Variants in SRGAP3 observed in about 807,000 individuals in gnomAD.
SRGAP3 encodes the protein SLIT-ROBO Rho GTPase-activating protein 3.
A neutral mutation model predicts 121.1 loss-of-function variants in SRGAP3; 39 were observed. The ratio of observed to expected loss-of-function variants is 0.32; its 90% CI spans 0.25 to 0.42. The LOEUF is 0.42. Among genes scored for constraint, SRGAP3 ranks in the 10% least tolerant of loss-of-function variants. The pLI, the probability that SRGAP3 is intolerant of heterozygous loss-of-function variation, is 1.00. For missense variants in SRGAP3, 1,213 were observed against 1,470.6 expected, an observed-to-expected ratio of 0.82 and a Z score of 2.86; for synonymous variants, 601 against 570.0, an observed-to-expected ratio of 1.05 and a Z score of -0.77.
chr3:9,228,922 C>G (rs936190486), intron 1 of SRGAP3, among the ~76,000 whole-genome samples: 1 of 151,392 alleles, frequency 6.6e-6, no homozygotes, highest in Non-Finnish European at 1.5e-5. Flanking sequence ...ATTAGCCGGG[C>G]GCGGTGGCGG....
upstream of SRGAP3, among the ~76,000 whole-genome samples, chr3:9,250,057 A>G (rs563493301): frequency 6.6e-6 from 1 of 152,302 alleles, no homozygotes; most frequent in East Asian, 1.9e-4. Context: ...AGACGATGCG[A>G]GGAGTTAAAG....
At chr3:9,072,421 T>C (rs958822304) in intron 4 of SRGAP3, among the ~76,000 whole-genome samples, 15 of 152,212 alleles carry the variant, frequency 9.9e-5, no homozygotes, top group Admixed American at 9.8e-4. Context: ...AATACATGTA[T>C]TCTTAGTGAA....
chr3:9,154,837 G>A (rs1176622479), intron 1 of SRGAP3, among the ~76,000 whole-genome samples: 3 of 152,000 alleles, frequency 2.0e-5, no homozygotes, highest in African/African-American at 7.3e-5. Context: ...AACAATGAAA[G>A]GGAGTAGAAA....
At chr3:9,176,882 T>C (rs908343233) in intron 1 of SRGAP3, among the ~76,000 whole-genome samples, 2 of 152,208 alleles carry the variant, frequency 1.3e-5, no homozygotes, top group South Asian at 4.1e-4. Flanking sequence ...GGGGATCACA[T>C]TTCAACATGA....
chr3:9,241,306 T>A (rs774944612), intron 1 of SRGAP3, among the ~76,000 whole-genome samples: 1 of 152,044 alleles, frequency 6.6e-6, no homozygotes, highest in African/African-American at 2.4e-5. Flanking sequence ...GCTTACAAAG[T>A]CACTGAATGA....
chr3:9,157,530 T>G (rs1950458733), intron 1 of SRGAP3, among the ~76,000 whole-genome samples: 2 of 152,230 alleles, frequency 1.3e-5, no homozygotes, highest in African/African-American at 2.4e-5. Context: ...TCTAAGCACT[T>G]TACACACATT....
intron 1 of SRGAP3, chr3:9,362,751 T>C (rs2030965660): frequency 6.6e-6 from 1 of 152,154 alleles, no homozygotes; most frequent in African/African-American, 2.4e-5. Context: ...TGTCTCCAGC[T>C]TTAAAACAGA....
At chr3:9,019,290 A>C (rs1216249124) in intron 14 of SRGAP3, among the ~76,000 whole-genome samples, 1 of 152,226 alleles carries the variant, frequency 6.6e-6, no homozygotes, top group Non-Finnish European at 1.5e-5. Flanking sequence ...CGAATTCTTC[A>C]CTGGGGCTAT....
At chr3:9,060,150 G>C (rs1216567207) in intron 6 of SRGAP3, 81 bp downstream of exon 6, 4 of 1,605,520 alleles carry the variant, frequency 2.5e-6, no homozygotes, top group African/African-American at 2.7e-5. Context: ...TAAAGACAAA[G>C]ACCAGCCCCT....
chr3:9,025,160 A>T, intron 14 of SRGAP3, 101 bp downstream of exon 14: 3 of 1,223,414 alleles, frequency 2.5e-6, no homozygotes, highest in Non-Finnish European at 3.6e-6. Context: ...CCTGCAAACC[A>T]CTGCAGGCTG....
intron 3 of SRGAP3, among the ~76,000 whole-genome samples, chr3:9,103,685 G>A (rs1252564632): frequency 6.6e-6 from 1 of 152,174 alleles, no homozygotes; most frequent in Admixed American, 6.5e-5. Flanking sequence ...AACCCTGCAG[G>A]ATAGACAAAG....
chr3:8,993,902 C>G (rs1369107970), intron 19 of SRGAP3: 2 of 187,368 alleles, frequency 1.1e-5, no homozygotes, highest in Admixed American at 1.1e-4. Context: ...TTCATTAACC[C>G]CTGAAATTAT....
At chr3:9,306,994 A>G (rs567666645) in intron 3 of SRGAP3, among the ~76,000 whole-genome samples, 57 of 152,010 alleles carry the variant, frequency 3.7e-4, no homozygotes, top group African/African-American at 9.7e-4. Flanking sequence ...CTTTTTTGAG[A>G]TAGGGTCTTG....
At chr3:9,214,840 T>C (rs1952561111) in intron 1 of SRGAP3, among the ~76,000 whole-genome samples, 4 of 152,172 alleles carry the variant, frequency 2.6e-5, no homozygotes, top group South Asian at 2.1e-4. Flanking sequence ...GGAAAATTCA[T>C]TGTAGGAAAC....
At chr3:9,204,454 G>A (rs1301777665) in intron 1 of SRGAP3, among the ~76,000 whole-genome samples, 2 of 152,242 alleles carry the variant, frequency 1.3e-5, no homozygotes, top group Non-Finnish European at 2.9e-5. Flanking sequence ...CTTGGGCTCT[G>A]AACTGATCTC....
chr3:9,111,979 GCTTT>G (rs1403489968), intron 2 of SRGAP3, among the ~76,000 whole-genome samples: 1 of 152,186 alleles, frequency 6.6e-6, no homozygotes, highest in Non-Finnish European at 1.5e-5. Flanking sequence ...GTGAGTCACA[GCTTT>G]CTTTCTTTGG....
intron 3 of SRGAP3, among the ~76,000 whole-genome samples, chr3:9,282,519 C>T (rs140067326): frequency 0.016 from 2,410 of 152,210 alleles, 67 homozygotes; most frequent in African/African-American, 0.054. Context: ...GGGACAGAGT[C>T]TTACTCTGTC....
At chr3:9,236,626 T>G (rs565238034) in intron 1 of SRGAP3, among the ~76,000 whole-genome samples, 9 of 152,066 alleles carry the variant, frequency 5.9e-5, no homozygotes, top group African/African-American at 2.2e-4. Flanking sequence ...TGTGCCTGCT[T>G]CCCCTTCACC....
chr3:9,232,203 A>G (rs1221446465), intron 1 of SRGAP3, among the ~76,000 whole-genome samples: 1 of 152,120 alleles, frequency 6.6e-6, no homozygotes, highest in Non-Finnish European at 1.5e-5. Flanking sequence ...TGCAGGTGTC[A>G]CTTTCTTTCT....
Sources: gnomAD v4.1 joint callset for allele counts (sites outside exome capture counted in the v4.1 genomes callset) on GRCh38, gnomAD v4.1.1 for gene constraint, MANE v1.5 for transcripts, NCBI Gene and HGNC (gene_info 2026-07-23, HGNC 2026-07-21) for gene names.